The following SLC35F4 variants were observed in gnomAD, a reference collection of about 807,000 sequenced individuals.
The protein encoded by SLC35F4 is solute carrier family 35 member F4.
A neutral mutation model predicts 44.2 loss-of-function variants in SLC35F4; 24 were observed. The ratio of observed to expected loss-of-function variants is 0.54; its 90% CI spans 0.39 to 0.76. The LOEUF (loss-of-function observed/expected upper bound fraction) is 0.76, where lower values mean the gene tolerates loss of function less well. Ranked by LOEUF, SLC35F4 falls within the 30% of genes least tolerant of loss-of-function variation. The pLI, the probability that SLC35F4 is intolerant of heterozygous loss-of-function variation, is 0.00. For synonymous variants in SLC35F4, 238 were observed against 223.6 expected (o/e 1.06, Z -0.57); for missense variants, 562 against 586.1 (o/e 0.96, Z 0.42).
intron 6 of SLC35F4, among the ~76,000 whole-genome samples, chr14:57,568,241 A>C (rs570800166): frequency 8.4e-4 from 128 of 151,566 alleles, no homozygotes; most frequent in African/African-American, 3.1e-3. Context: ...GGCGAATGCC[A>C]GTGTTCAGCT....
chr14:57,731,338 C>T (rs868796112), intron 1 of SLC35F4, among the ~76,000 whole-genome samples: 9 of 152,248 alleles, frequency 5.9e-5, no homozygotes, highest in East Asian at 1.9e-4. Context: ...TGACAAACAC[C>T]TGCCATTATT....
chr14:57,761,943 G>A (rs2077134719), intron 1 of SLC35F4, among the ~76,000 whole-genome samples: 1 of 152,144 alleles, frequency 6.6e-6, no homozygotes, highest in Non-Finnish European at 1.5e-5. Context: ...TCACAGAACT[G>A]ATGTGAAAGC....
chr14:57,915,172 T>G (rs905470070), intron 1 of SLC35F4, among the ~76,000 whole-genome samples: 3 of 152,116 alleles, frequency 2.0e-5, no homozygotes, highest in Admixed American at 1.3e-4. Flanking sequence ...CACCAGAAAG[T>G]GGGAAACAGA....
At chr14:57,958,082 G>A (rs1347315318) in intron 1 of SLC35F4, among the ~76,000 whole-genome samples, 1 of 150,808 alleles carries the variant, frequency 6.6e-6, no homozygotes. Flanking sequence ...TTGAGATGGA[G>A]TCTTGCTCTG....
chr14:57,682,082 T>C (rs1209408511), intron 1 of SLC35F4, among the ~76,000 whole-genome samples: 4 of 152,306 alleles, frequency 2.6e-5, no homozygotes, highest in South Asian at 4.1e-4. Context: ...TGGAAGACAG[T>C]GTGGCGATTC....
chr14:57,733,287 T>C (rs1437130932), intron 1 of SLC35F4, among the ~76,000 whole-genome samples: 1 of 151,902 alleles, frequency 6.6e-6, no homozygotes, highest in East Asian at 1.9e-4. Context: ...TTTTTTCCTT[T>C]TATCTCTTGC....
chr14:57,638,569 T>C (rs550519206), intron 1 of SLC35F4, among the ~76,000 whole-genome samples: 1 of 152,260 alleles, frequency 6.6e-6, no homozygotes, highest in African/African-American at 2.4e-5. Context: ...AGAGGCTCAC[T>C]TTCCAAACTG....
chr14:57,646,308 A>G (rs534685850), intron 1 of SLC35F4, among the ~76,000 whole-genome samples: 1 of 152,008 alleles, frequency 6.6e-6, no homozygotes, highest in Non-Finnish European at 1.5e-5. Context: ...AGAGCCTGTT[A>G]TTGTTCTATT....
At chr14:57,673,671 G>A (rs1431423756) in intron 1 of SLC35F4, among the ~76,000 whole-genome samples, 1 of 151,880 alleles carries the variant, frequency 6.6e-6, no homozygotes, top group Non-Finnish European at 1.5e-5. Flanking sequence ...CAAGAGGGAT[G>A]AATGCAGGTT....
rs2068093813 is a variant in SLC35F4, at chr14:57,564,259, A to G, written c.1334T>C (p.Leu445Pro). Residue 445 changes from leucine to proline, a missense_variant, in exon 8 of 8, where the codon CTG becomes CCG. Coordinates refer to ENST00000556826, the MANE Select transcript of SLC35F4 (RefSeq NM_001306087.2). ...LLPEEWDEIT[L>P]RFINSLKEKK... The stretch of plus-strand genomic sequence containing the variant: ...TTCCTTCAGGCTGTTGATGAACCTC[A>G]GGGTGATTTCATCCCATTCCTCAGG... 6.2e-7 allele frequency: 1 copy of G among 1,613,208 alleles called. No individual in the cohort carries two copies. Among genetic ancestry groups the G allele is most frequent in the African/African-American group, 1.3e-5 (1 of 74,886 alleles).
At chr14:57,582,815 C>G (rs1332344699) in intron 3 of SLC35F4, among the ~76,000 whole-genome samples, 1 of 152,160 alleles carries the variant, frequency 6.6e-6, no homozygotes, top group Non-Finnish European at 1.5e-5. Context: ...AAAGTAAATT[C>G]TAGCCAATGT....
chr14:57,828,006 T>C (rs2140928497), intron 1 of SLC35F4, among the ~76,000 whole-genome samples: 1 of 152,324 alleles, frequency 6.6e-6, no homozygotes, highest in Non-Finnish European at 1.5e-5. Context: ...TCTCTTCTTC[T>C]AAGTTTCTTC....
upstream of SLC35F4, among the ~76,000 whole-genome samples, chr14:57,869,525 T>C (rs1888251637): frequency 6.6e-6 from 1 of 152,234 alleles, no homozygotes; most frequent in African/African-American, 2.4e-5. Flanking sequence ...TATTTGAAGT[T>C]ACCACTGAAA....
intron 1 of SLC35F4, among the ~76,000 whole-genome samples, chr14:57,843,301 A>G (rs1209199645): frequency 6.6e-6 from 1 of 151,912 alleles, no homozygotes; most frequent in Non-Finnish European, 1.5e-5. Flanking sequence ...GCCCTGTTTG[A>G]GTTTGTATCT....
downstream of SLC35F4, among the ~76,000 whole-genome samples, chr14:57,976,006 C>T (rs1881203842): frequency 6.6e-6 from 1 of 152,100 alleles, no homozygotes; most frequent in African/African-American, 2.4e-5. Context: ...AGAGTTATTA[C>T]CTGACTTCTA....
intron 1 of SLC35F4, among the ~76,000 whole-genome samples, chr14:57,850,828 C>T (rs1461882479): frequency 1.3e-5 from 2 of 152,306 alleles, no homozygotes; most frequent in Non-Finnish European, 2.9e-5. Context: ...AACATTGAAA[C>T]GGATTCATCA....
intron 1 of SLC35F4, among the ~76,000 whole-genome samples, chr14:57,915,006 G>A (rs1001630092): frequency 1.3e-5 from 2 of 152,158 alleles, no homozygotes; most frequent in African/African-American, 4.8e-5. Context: ...AACCCAAGTG[G>A]AGGAAACCAT....
At chr14:57,886,775 A>T (rs1462733661) in intron 1 of SLC35F4, among the ~76,000 whole-genome samples, 1 of 152,128 alleles carries the variant, frequency 6.6e-6, no homozygotes, top group Non-Finnish European at 1.5e-5. Flanking sequence ...AAAATGGGTC[A>T]ATGAACTAGT....
chr14:57,851,358 G>A (rs1886544889), intron 1 of SLC35F4, among the ~76,000 whole-genome samples: 1 of 152,126 alleles, frequency 6.6e-6, no homozygotes, highest in African/African-American at 2.4e-5. Context: ...GTAATAAACT[G>A]CATGAAAATG....
Sources: allele counts gnomAD v4.1 joint callset (sites outside exome capture counted in the v4.1 genomes callset), GRCh38; gene constraint gnomAD v4.1.1; transcripts MANE v1.5; gene names NCBI Gene and HGNC (gene_info 2026-07-23, HGNC 2026-07-21).